The following ERC1 variants were observed in gnomAD, a reference collection of about 807,000 sequenced individuals.
ERC1 encodes the protein ELKS/RAB6-interacting/CAST family member 1, also known as RAB6 interacting protein 2.
A neutral mutation model predicts 132.0 loss-of-function variants in ERC1; 56 were observed. That is an observed-to-expected ratio of 0.42 (90% CI 0.34 to 0.53). The LOEUF is 0.53. ERC1 is among the 20% of genes least tolerant of loss of function. ERC1 has a pLI of 0.03. For missense variants in ERC1, 1,202 were observed against 1,349.9 expected (o/e 0.89, Z 1.72); for synonymous variants, 478 against 476.1 (o/e 1.00, Z -0.05).
At chr12:1,083,091 C>A in intron 2 of ERC1, 73 bp from the exon 3 acceptor site, 2 of 1,304,724 alleles carry the variant, frequency 1.5e-6, no homozygotes, top group Non-Finnish European at 2.1e-6. Flanking sequence ...ATTTTTGATT[C>A]CTGCAGGCTG....
chr12:1,487,277 A>G lies in ERC1; in HGVS notation c.3214-2816A>G, dbSNP rs185345837. Among the ~76,000 whole-genome samples, 77 of 150,580 alleles carry G rather than the reference A, an allele frequency of 5.1e-4. No individual in the cohort carries two copies. In the East Asian group the frequency reaches 0.014, roughly 27 times the overall value. ...TGCTAGGTCTATTCTTAACTCTTTG[A>G]TATATTTAAGAAGCACTGTGCTCAT... On this transcript the variant is annotated intron_variant, in intron 18 of 18. Coordinates refer to ENST00000360905, the MANE Select transcript of ERC1 (RefSeq NM_178040.4).
chr12:1,441,839 G>A (rs949509614), intron 17 of ERC1, among the ~76,000 whole-genome samples: 8 of 152,214 alleles, frequency 5.3e-5, no homozygotes, highest in South Asian at 2.1e-4. Flanking sequence ...CGTCATTGGC[G>A]CACAGAGTGT....
At chr12:1,340,968 A>ATATTC (rs1188914574) in intron 15 of ERC1, among the ~76,000 whole-genome samples, 1 of 150,644 alleles carries the variant, frequency 6.6e-6, no homozygotes, top group East Asian at 2.0e-4. Flanking sequence ...CATTGCCAGT[A>ATATTC]TATTCTACCT....
At chr12:1,185,669 A>G (rs1249977918) in intron 11 of ERC1, among the ~76,000 whole-genome samples, 2 of 150,910 alleles carry the variant, frequency 1.3e-5, no homozygotes, top group Non-Finnish European at 2.9e-5. Flanking sequence ...TTATCACCCT[A>G]TAGATAAATG....
chr12:1,127,013 A>AAAAAAAAAAAAAC (rs1948260141), intron 7 of ERC1, among the ~76,000 whole-genome samples: 3 of 146,798 alleles, frequency 2.0e-5, no homozygotes, highest in African/African-American at 5.1e-5. Flanking sequence ...AAAAAAAAAA[A>AAAAAAAAAAAAAC]CCTCAAAAAT....
intron 14 of ERC1, among the ~76,000 whole-genome samples, chr12:1,268,625 G>A (rs1329426651): frequency 6.6e-6 from 1 of 152,300 alleles, no homozygotes; most frequent in Middle Eastern, 3.4e-3. Context: ...AATTAGCCAG[G>A]TGTGGTGGCG....
At chr12:1,187,184 C>A (rs1379949368) in intron 11 of ERC1, among the ~76,000 whole-genome samples, 1 of 151,836 alleles carries the variant, frequency 6.6e-6, no homozygotes, top group Non-Finnish European at 1.5e-5. Flanking sequence ...GAAAAATATG[C>A]CTTTTTTTGA....
rs564982011 is a variant in ERC1 at position 1,282,378 on chromosome 12, A to G, written c.2620-7474A>G. 7.9e-5 allele frequency among the ~76,000 whole-genome samples: 12 copies of G among 152,326 alleles called. No homozygotes were observed. In the South Asian group the frequency reaches 2.3e-3, roughly 29 times the overall value. ...CATATAGGATCATTTTGAGGCTTTA[A>G]TGAGACAATACATCTAAAGCACTTA... is the stretch of plus-strand genomic sequence containing the variant. On this transcript the variant is annotated intron_variant, in intron 14 of 18. Transcript: ENST00000360905.
chr12:1,310,575 C>A (rs1401026697), intron 15 of ERC1, among the ~76,000 whole-genome samples: 1 of 152,158 alleles, frequency 6.6e-6, no homozygotes, highest in Non-Finnish European at 1.5e-5. Context: ...TAATCAGAGG[C>A]TAAAACATTT....
chr12:1,083,958 G>A (rs1942599569), intron 3 of ERC1, among the ~76,000 whole-genome samples: 1 of 152,176 alleles, frequency 6.6e-6, no homozygotes, highest in Non-Finnish European at 1.5e-5. Flanking sequence ...AAAAATATTA[G>A]TAAAAGAGAG....
intron 2 of ERC1, among the ~76,000 whole-genome samples, chr12:1,078,995 T>G (rs568338690): frequency 6.6e-6 from 1 of 151,982 alleles, no homozygotes; most frequent in East Asian, 1.9e-4. Context: ...TAGAAATGAT[T>G]TGTAATATGA....
chr12:1,251,685 A>G (rs2154315621), intron 13 of ERC1, among the ~76,000 whole-genome samples: 1 of 152,308 alleles, frequency 6.6e-6, no homozygotes, highest in East Asian at 1.9e-4. Flanking sequence ...AACACGGCTT[A>G]ACATTACTTT....
intron 1 of ERC1, among the ~76,000 whole-genome samples, chr12:1,007,460 TTCTCTCTCTCTC>T (rs72040785): frequency 4.3e-4 from 58 of 135,058 alleles, no homozygotes; most frequent in East Asian, 1.3e-3. Flanking sequence ...GGGTAATTCA[TTCTCTCTCTCTC>T]TCTCTCTCTC....
chr12:1,480,240 G>A (rs550615405), intron 18 of ERC1, among the ~76,000 whole-genome samples: 2 of 152,290 alleles, frequency 1.3e-5, no homozygotes, highest in East Asian at 3.9e-4. Flanking sequence ...GAATTCATGG[G>A]AGCAAACTTG....
At chr12:1,399,952 A>T (rs1316714253) in intron 16 of ERC1, among the ~76,000 whole-genome samples, 1 of 152,196 alleles carries the variant, frequency 6.6e-6, no homozygotes, top group African/African-American at 2.4e-5. Context: ...TTGCCATTTT[A>T]AGGAACTACC....
Position 1,484,270 on chromosome 12 carries a change from A to G in ERC1, c.3214-5823A>G, listed in dbSNP as rs537300503. ...CAGTGAGCCGAGATCGCACCACTGC[A>G]CTCCAGCCTGGTGACAGAGCGAGAC... On this transcript the variant is annotated intron_variant, in intron 18 of 18. Transcript: ENST00000360905. Among the ~76,000 whole-genome samples, 13 of 150,998 alleles carry G rather than the reference A, an allele frequency of 8.6e-5. No individual in the cohort carries two copies. The East Asian group carries it at 2.6e-3, about 30-fold the overall frequency.
At chr12:1,304,859 G>C (rs149560719) in intron 15 of ERC1, among the ~76,000 whole-genome samples, 1 of 131,272 alleles carries the variant, frequency 7.6e-6, no homozygotes. Context: ...GCGTGATCTC[G>C]GCTCACTGCA....
intron 18 of ERC1, among the ~76,000 whole-genome samples, chr12:1,477,696 CAT>C (rs2154430239): frequency 6.6e-6 from 1 of 152,280 alleles, no homozygotes; most frequent in South Asian, 2.1e-4. Context: ...ATTACACACT[CAT>C]ATAGCAAATT....
chr12:1,051,766 G>C (rs948150237), intron 2 of ERC1, among the ~76,000 whole-genome samples: 5 of 152,178 alleles, frequency 3.3e-5, no homozygotes, highest in Admixed American at 6.6e-5. Context: ...GGGGATGTGG[G>C]CAGGGGGAGA....
Sources: allele counts gnomAD v4.1 joint callset (sites outside exome capture counted in the v4.1 genomes callset), GRCh38; gene constraint gnomAD v4.1.1; transcripts MANE v1.5; gene names NCBI Gene and HGNC (gene_info 2026-07-23, HGNC 2026-07-21).